The following CFAP20 variants were observed in gnomAD, a reference collection of about 807,000 sequenced individuals.
CFAP20 encodes the protein cilia and flagella associated protein 20.
Under a neutral mutation model 25.5 loss-of-function variants are expected in CFAP20, and 14 were observed. That is an observed-to-expected ratio of 0.55 (90% CI 0.36 to 0.86). CFAP20 has a LOEUF of 0.86. CFAP20 is among the 40% of genes least tolerant of loss of function. The pLI, the probability that CFAP20 is intolerant of heterozygous loss-of-function variation, is 0.01. For missense variants in CFAP20, 181 were observed against 248.0 expected (o/e 0.73, Z 1.81); for synonymous variants, 75 against 91.1 (o/e 0.82, Z 1.01).
intron 1 of CFAP20, among the ~76,000 whole-genome samples, chr16:58,124,900 C>T (rs1396150209): frequency 6.6e-6 from 1 of 152,256 alleles, no homozygotes; most frequent in East Asian, 1.9e-4. Context: ...GCATGAGCCA[C>T]TGTGCCTGGC....
intron 2 of CFAP20, 30 bp from the exon 3 acceptor site, chr16:58,116,182 A>C (rs1960456210): frequency 4.1e-6 from 6 of 1,451,902 alleles, no homozygotes; most frequent in South Asian, 2.3e-5. Flanking sequence ...TAATAAACAC[A>C]CTCCTGGACT....
Position 58,121,372 on chromosome 16 carries a change from T to C in CFAP20, c.85-4421A>G, listed in dbSNP as rs527507302. Among the ~76,000 whole-genome samples, 5 of 152,364 alleles carry C rather than the reference T, an allele frequency of 3.3e-5. No individual in the cohort carries two copies. The South Asian group carries it at 8.3e-4, about 25-fold the overall frequency. On this transcript the variant is annotated intron_variant, in intron 1 of 5. Transcript: ENST00000262498. The stretch of plus-strand genomic sequence containing the variant: ...ATAAAATGAACTGCTCAGCATTTAT[T>C]GCTCATGGCGGAAGCAGGTTTTAAC...
chr16:58,113,943 G>GT lies in CFAP20; in HGVS notation c.*81dup. 2 of 1,470,832 alleles carry GT rather than the reference G, an allele frequency of 1.4e-6. No individual in the cohort carries two copies. Among genetic ancestry groups the GT allele is most frequent in the Non-Finnish European group, 1.9e-6 (2 of 1,050,444 alleles). 91.1% of individuals were successfully genotyped at this position (1,470,832 alleles called of 1,614,324 possible). On this transcript the variant is annotated 3_prime_UTR_variant, in exon 6 of 6. Transcript: ENST00000262498. ...CAGCAGAGCAAACTAAGATAAATAT[G>GT]TTTTTGCATCGTCCTCCACATAGTT... is the stretch of plus-strand genomic sequence containing the variant.
At chr16:58,127,589 T>C (rs574967034) in intron 1 of CFAP20, among the ~76,000 whole-genome samples, 1 of 152,356 alleles carries the variant, frequency 6.6e-6, no homozygotes, top group African/African-American at 2.4e-5. Flanking sequence ...TACAATGCTT[T>C]ATTCCATTGT....
chr16:58,124,380 C>G (rs948741543), intron 1 of CFAP20, among the ~76,000 whole-genome samples: 2 of 152,206 alleles, frequency 1.3e-5, no homozygotes, highest in South Asian at 2.1e-4. Context: ...AAAGTACTAA[C>G]TACAGTCATG....
chr16:58,115,978 T>A (rs1597086296), intron 3 of CFAP20, 63 bp downstream of exon 3: 1 of 1,206,502 alleles, frequency 8.3e-7, no homozygotes, highest in East Asian at 2.3e-5. Context: ...CTTTTTCCCA[T>A]CAGTTCAAAG....
At chr16:58,122,098 G>A (rs1316292126) in intron 1 of CFAP20, among the ~76,000 whole-genome samples, 1 of 152,196 alleles carries the variant, frequency 6.6e-6, no homozygotes. Flanking sequence ...GGAGACCCCT[G>A]TGGGGAGAAC....
intron 1 of CFAP20, among the ~76,000 whole-genome samples, chr16:58,123,085 C>A (rs960518602): frequency 6.6e-6 from 1 of 151,980 alleles, no homozygotes; most frequent in African/African-American, 2.4e-5. Context: ...ACCTCCACCT[C>A]CCGGGTTCAA....
At position 58,128,305 on chromosome 16, in the gene CFAP20, T is replaced by G. The variant is rs1033688906; in HGVS notation, c.84+727A>C. 4.6e-5 allele frequency among the ~76,000 whole-genome samples: 7 copies of G among 152,308 alleles called. No individual in the cohort carries two copies. In the East Asian group the frequency reaches 1.3e-3, roughly 29 times the overall value. On this transcript the variant is annotated intron_variant, in intron 1 of 5. Transcript: ENST00000262498. ...AGGCCTGTACTTGGCTCTGAGTTTA[T>G]TAATCCAAACAAGACTTTGACTGTC...
chr16:58,117,014 A>G, intron 1 of CFAP20, 63 bp from the exon 2 acceptor site: 1 of 1,495,826 alleles, frequency 6.7e-7, no homozygotes, highest in Non-Finnish European at 9.3e-7. Context: ...GACTATTTAA[A>G]GAAAACCACG....
At chr16:58,116,800 T>C in intron 2 of CFAP20, 72 bp downstream of exon 2, 5 of 1,397,180 alleles carry the variant, frequency 3.6e-6, no homozygotes, top group Non-Finnish European at 5.0e-6. Context: ...CCGCAGTCTG[T>C]GCTATTAACC....
At chr16:58,119,766 C>T (rs1414768647) in intron 1 of CFAP20, among the ~76,000 whole-genome samples, 2 of 152,280 alleles carry the variant, frequency 1.3e-5, no homozygotes, top group East Asian at 3.9e-4. Flanking sequence ...GCCTCACTCG[C>T]CATCTACTGT....
intron 1 of CFAP20, among the ~76,000 whole-genome samples, chr16:58,121,347 A>T (rs986110605): frequency 1.9e-4 from 29 of 152,212 alleles, no homozygotes; most frequent in Non-Finnish European, 4.3e-4. Context: ...TGGGATGAAG[A>T]TAAAATGAAC....
chr16:58,115,355 C>T lies in CFAP20; in HGVS notation c.379G>A (p.Asp127Asn), dbSNP rs764778355. 2.8e-5 allele frequency: 45 copies of T among 1,614,262 alleles called. No individual in the cohort carries two copies. Among genetic ancestry groups the T allele is most frequent in the Non-Finnish European group, 3.6e-5 (43 of 1,180,052 alleles). Residue 127 changes from aspartate to asparagine, a missense_variant, in exon 4 of 6, where the codon GAC becomes AAC. By Grantham distance (23) the Asp-to-Asn change is conservative. Coordinates refer to ENST00000262498, the MANE Select transcript of CFAP20 (RefSeq NM_013242.3). ...FICTMPMRLD[D>N]GWNQIQFNLL... ...TTGAACTGAATCTGGTTCCAGCCGT[C>T]ATCCAGCCGCATGGGCATGGTGCAG...
chr16:58,122,232 A>C (rs1263964516), intron 1 of CFAP20, among the ~76,000 whole-genome samples: 1 of 152,228 alleles, frequency 6.6e-6, no homozygotes, highest in African/African-American at 2.4e-5. Context: ...AACAACCCCT[A>C]AGTCAGCGTA....
In CFAP20 at chr16:58,115,973, T is replaced by C. The variant is rs1473744776; in HGVS notation, c.276+68A>G. On this transcript the variant is annotated intron_variant, in intron 3 of 5. Transcript: ENST00000262498. ...AAAGATACTTTGTAGGGTCACTTTT[T>C]CCCATCAGTTCAAAGGCTATCACTT... The C allele has an allele frequency of 5.2e-6, 6 of 1,156,252 alleles. No individual in the cohort carries two copies. In the East Asian group the frequency reaches 7.1e-5, roughly 14 times the overall value. The allele number at this position is 1,156,252 out of a possible 1,614,324, so 71.6% of individuals were successfully genotyped here.
rs1183929885 is a variant in CFAP20 at position 58,115,351 on chromosome 16, C to T, written c.383G>A (p.Gly128Asp). 3.1e-6 allele frequency: 5 copies of T among 1,614,130 alleles called. No individual in the cohort carries two copies. Among genetic ancestry groups the T allele is most frequent in the Non-Finnish European group, 4.2e-6 (5 of 1,180,052 alleles). ...ICTMPMRLDD[G>D]WNQIQFNLLD... is the part of the protein sequence containing the mutation. Reference sequence around the variant, plus strand: ...CAAGTTGAACTGAATCTGGTTCCAGCCGTCATCCAGCCGCATGGGCATGGT... The same window carrying T: ...CAAGTTGAACTGAATCTGGTTCCAGTCGTCATCCAGCCGCATGGGCATGGT... Residue 128 changes from glycine to aspartate, a missense_variant, in exon 4 of 6, where the codon GGC (glycine) becomes GAC (aspartate). Gly to Asp is a moderately conservative substitution (Grantham distance 94). Transcript: ENST00000262498.
chr16:58,115,471 A>G lies in CFAP20; in HGVS notation c.277-14T>C. On this transcript the variant is annotated splice_polypyrimidine_tract_variant and intron_variant, in intron 3 of 5. Coordinates refer to ENST00000262498, the MANE Select transcript of CFAP20 (RefSeq NM_013242.3). ...GTCATCTAGTACCTGTGAAATACAG[A>G]GAAGAAGCATCACACTAGCTCTGTC... 6.2e-7 allele frequency: 1 copy of G among 1,613,368 alleles called. No homozygotes were observed. The highest frequency in any genetic ancestry group is 8.5e-7 in the Non-Finnish European group (1 of 1,179,532).
At position 58,115,392 on chromosome 16, in the gene CFAP20, G is replaced by A; in HGVS notation, c.342C>T (p.Val114=). 2 of 1,614,232 alleles carry A rather than the reference G, an allele frequency of 1.2e-6. No homozygotes were observed. Among genetic ancestry groups the A allele is most frequent in the Non-Finnish European group, 1.7e-6 (2 of 1,180,046 alleles). ...TGGGCATGGTGCAGATGAAGGGTTTGACCCGGGTGGTGCTCTGGTAGTTAC... is the reference window on the plus strand; with the variant it reads ...TGGGCATGGTGCAGATGAAGGGTTTAACCCGGGTGGTGCTCTGGTAGTTAC... ...RASNYQSTTR[V]KPFICTMPMR... The change falls in exon 4 of 6, where the codon GTC becomes GTT. Residue 114 remains valine, a synonymous_variant. Transcript: ENST00000262498.
Sources: gnomAD v4.1 joint callset for allele counts (sites outside exome capture counted in the v4.1 genomes callset) on GRCh38, gnomAD v4.1.1 for gene constraint, MANE v1.5 for transcripts, NCBI Gene and HGNC (gene_info 2026-07-23, HGNC 2026-07-21) for gene names.